Variants in MAGI1 observed in about 807,000 individuals in gnomAD.
MAGI1 encodes the protein membrane associated guanylate kinase, WW and PDZ domain containing 1.
A neutral mutation model predicts 139.9 loss-of-function variants in MAGI1; 58 were observed. The ratio of observed to expected loss-of-function variants is 0.41; its 90% CI spans 0.34 to 0.52. The LOEUF (loss-of-function observed/expected upper bound fraction) is 0.52. MAGI1 is among the 20% of genes least tolerant of loss of function. The pLI, the probability that MAGI1 is intolerant of heterozygous loss-of-function variation, is 0.12. For synonymous variants in MAGI1, 812 were observed against 737.9 expected, an observed-to-expected ratio of 1.10 and a Z score of -1.63; for missense variants, 1,874 against 1,901.6, an observed-to-expected ratio of 0.99 and a Z score of 0.27.
chr3:65,376,262 G>C (rs372131323), intron 17 of MAGI1, among the ~76,000 whole-genome samples: 45 of 152,292 alleles, frequency 3.0e-4, no homozygotes, highest in East Asian at 1.9e-3. Context: ...AGATTTTTAA[G>C]AGCCCCAAAA....
rs149984668 is a variant in MAGI1, at chr3:65,379,469, G to A, written c.2787C>T (p.Arg929=). The A allele has an allele frequency of 5.0e-6, 8 of 1,613,954 alleles. No individual in the cohort carries two copies. In the African/African-American group the frequency reaches 9.3e-5, roughly 19 times the overall value. Residue 929 remains arginine, a synonymous_variant, in exon 17 of 23, where the codon CGC becomes CGT. Transcript: ENST00000402939. The stretch of plus-strand genomic sequence containing the variant: ...GCGAGTTCTGGCTGCCCTGCGGAGT[G>A]CGCTTCTCTTCTGTCAGCGAGGCCG... ...NQPASLTEEK[R]TPQGSQNSLN... is the part of the protein sequence containing the mutation.
At chr3:65,645,024 A>T (rs1559750160) in intron 1 of MAGI1, among the ~76,000 whole-genome samples, 1 of 151,760 alleles carries the variant, frequency 6.6e-6, no homozygotes, top group Non-Finnish European at 1.5e-5. Flanking sequence ...GAAAGAAAAA[A>T]AAAACAGTGA....
chr3:65,677,083 T>A (rs565080893), intron 1 of MAGI1, among the ~76,000 whole-genome samples: 1 of 152,202 alleles, frequency 6.6e-6, no homozygotes, highest in Non-Finnish European at 1.5e-5. Context: ...GAGAAAGAGA[T>A]AAACAATTCA....
intron 12 of MAGI1, 115 bp from the exon 13 acceptor site, chr3:65,401,585 G>C: frequency 6.4e-7 from 1 of 1,553,344 alleles, no homozygotes; most frequent in Non-Finnish European, 8.7e-7. Context: ...CATCTGCAGA[G>C]TTATGTCAGA....
chr3:65,386,761 A>G (rs1943475646), intron 14 of MAGI1, among the ~76,000 whole-genome samples: 1 of 152,194 alleles, frequency 6.6e-6, no homozygotes, highest in Non-Finnish European at 1.5e-5. Flanking sequence ...TCCAATTTTC[A>G]TTTGTAAGCC....
intron 6 of MAGI1, among the ~76,000 whole-genome samples, chr3:65,448,626 A>T (rs1305208226): frequency 6.6e-6 from 1 of 152,112 alleles, no homozygotes; most frequent in Non-Finnish European, 1.5e-5. Flanking sequence ...AAATATATCA[A>T]AGAAGAAAGC....
intron 1 of MAGI1, among the ~76,000 whole-genome samples, chr3:65,991,057 G>A (rs989514510): frequency 4.6e-5 from 7 of 152,186 alleles, no homozygotes; most frequent in Admixed American, 3.9e-4. Flanking sequence ...GGGAGGCCAA[G>A]GTGGGCAGAT....
chr3:65,586,112 T>C (rs1262932964), intron 2 of MAGI1, among the ~76,000 whole-genome samples: 1 of 151,514 alleles, frequency 6.6e-6, no homozygotes, highest in Non-Finnish European at 1.5e-5. Context: ...TGGATGACTG[T>C]GGTGAGGGTA....
chr3:65,744,232 C>A (rs1174540576), intron 1 of MAGI1, among the ~76,000 whole-genome samples: 1 of 152,174 alleles, frequency 6.6e-6, no homozygotes, highest in Non-Finnish European at 1.5e-5. Context: ...TGCCCCATAT[C>A]AGAGAATTTT....
At chr3:65,904,149 T>C (rs904041018) in intron 1 of MAGI1, among the ~76,000 whole-genome samples, 4 of 152,222 alleles carry the variant, frequency 2.6e-5, no homozygotes, top group Admixed American at 2.6e-4. Context: ...AGTTCTCAAC[T>C]TTCCAACTAA....
intron 1 of MAGI1, among the ~76,000 whole-genome samples, chr3:66,009,528 G>C (rs1576448693): frequency 6.6e-6 from 1 of 151,842 alleles, no homozygotes; most frequent in South Asian, 2.1e-4. Flanking sequence ...AAAAAGTAAG[G>C]AATATCTGAA....
chr3:65,391,211 T>A lies in MAGI1; in HGVS notation c.2347A>T (p.Ser783Cys). ...GGATCTGGTTTTTTCTGGCCAGAGC[T>A]GTCAGTTTGATCTGGAGCTTGGGCC... is the stretch of plus-strand genomic sequence containing the variant. ...AEAQAPDQTD[S>C]SGQKKPDPFK... Residue 783 changes from serine to cysteine, a missense_variant, in exon 14 of 23, where the codon AGC (serine) becomes TGC (cysteine). Ser to Cys is a moderately radical substitution (Grantham distance 112). Transcript: ENST00000402939. The A allele has an allele frequency of 6.2e-7, 1 of 1,614,210 alleles. No homozygotes were observed. The highest frequency in any genetic ancestry group is 1.1e-5 in the South Asian group (1 of 91,088).
chr3:65,946,583 G>C (rs1324592533), intron 1 of MAGI1, among the ~76,000 whole-genome samples: 1 of 151,906 alleles, frequency 6.6e-6, no homozygotes, highest in African/African-American at 2.4e-5. Flanking sequence ...ATTTGTCTTG[G>C]CAATGGCATT....
intron 1 of MAGI1, among the ~76,000 whole-genome samples, chr3:65,827,885 T>G (rs1052920752): frequency 6.6e-6 from 1 of 152,144 alleles, no homozygotes; most frequent in African/African-American, 2.4e-5. Flanking sequence ...AGCAAAAAAT[T>G]TTTTAATGTT....
At chr3:65,360,627 G>A in intron 22 of MAGI1, 1 of 985,290 alleles carries the variant, frequency 1.0e-6, no homozygotes, top group Non-Finnish European at 1.2e-6. Context: ...AACAGTTTTT[G>A]TTTGTTTGTT....
intron 1 of MAGI1, among the ~76,000 whole-genome samples, chr3:65,882,910 G>A (rs1463231437): frequency 1.3e-5 from 2 of 148,252 alleles, no homozygotes; most frequent in African/African-American, 5.1e-5. Flanking sequence ...ATTTCAGCCT[G>A]GGCAACAGAG....
At chr3:65,903,810 C>T (rs1352703640) in intron 1 of MAGI1, among the ~76,000 whole-genome samples, 2 of 152,016 alleles carry the variant, frequency 1.3e-5, no homozygotes, top group Non-Finnish European at 2.9e-5. Flanking sequence ...GAGGTCAAAA[C>T]CAGCCTGGCC....
At chr3:65,959,634 A>C (rs1211636669) in intron 1 of MAGI1, among the ~76,000 whole-genome samples, 1 of 144,908 alleles carries the variant, frequency 6.9e-6, no homozygotes, top group East Asian at 2.0e-4. Flanking sequence ...TATTATTATT[A>C]TTATTATTAT....
intron 1 of MAGI1, among the ~76,000 whole-genome samples, chr3:65,832,358 T>C (rs908496779): frequency 2.0e-5 from 3 of 152,204 alleles, no homozygotes; most frequent in African/African-American, 7.2e-5. Context: ...AGACTTCCAG[T>C]GTGGTTTTAG....
Sources: gnomAD v4.1 joint callset for allele counts (sites outside exome capture counted in the v4.1 genomes callset) on GRCh38, gnomAD v4.1.1 for gene constraint, MANE v1.5 for transcripts, NCBI Gene and HGNC (gene_info 2026-07-23, HGNC 2026-07-21) for gene names.